The following MLLT1 variants were observed in gnomAD, a reference collection of about 807,000 sequenced individuals.
The protein encoded by MLLT1 is MLLT1 super elongation complex subunit.
Under a neutral mutation model 55.1 loss-of-function variants are expected in MLLT1, and 11 were observed. The observed-to-expected ratio is 0.20, with a 90% CI of 0.13 to 0.33. MLLT1 has a LOEUF of 0.33. Among genes scored for constraint, MLLT1 ranks in the 10% least tolerant of loss-of-function variants. MLLT1 has a pLI of 1.00. For synonymous variants in MLLT1, 323 were observed against 320.1 expected (o/e 1.01, Z -0.10); for missense variants, 536 against 760.6 (o/e 0.70, Z 3.47).
intron 3 of MLLT1, among the ~76,000 whole-genome samples, chr19:6,254,588 C>T (rs1164683351): frequency 6.6e-6 from 1 of 152,174 alleles, no homozygotes; most frequent in East Asian, 1.9e-4. Context: ...ACTGCAGGAC[C>T]CCCAAGTGGT....
rs2090989257 is a variant in MLLT1, at chr19:6,229,699, GAC to G, written c.420+869_420+870del. ...ACACACACACACGCCCCACACCCGT[GAC>G]ACCACACACCACACCCCTACATGCC... On this transcript the variant is annotated intron_variant, in intron 4 of 11. Transcript: ENST00000252674. The surrounding 1 kb of genome is among the most constrained non-coding windows in gnomAD (Gnocchi z 5.2). Among the ~76,000 whole-genome samples the G allele has an allele frequency of 6.7e-6, 1 of 150,274 alleles. No homozygotes were observed. Among genetic ancestry groups the G allele is most frequent in the Non-Finnish European group, 1.5e-5 (1 of 67,528 alleles).
rs1378288103 is a variant in MLLT1, at chr19:6,256,218, A to AAGAT, written c.276+6006_276+6009dup. On this transcript the variant is annotated intron_variant, in intron 3 of 11. Transcript: ENST00000252674. This position sits in a 1 kb window ranked among gnomAD's most constrained non-coding sequence, Gnocchi z 4.1. ...GACAAGAGCGAAACTCTGTCTCAAA[A>AAGAT]AGATAAATAAATAAATAAATAAATA... Among the ~76,000 whole-genome samples, 1 of 103,520 alleles carries AAGAT rather than the reference A, an allele frequency of 9.7e-6. No homozygotes were observed. The highest frequency in any genetic ancestry group is 1.9e-5 in the Non-Finnish European group (1 of 51,908). The allele number at this position is 103,520 out of a possible 152,430, so 67.9% of individuals were successfully genotyped here. A position where few individuals can be genotyped will look rare whatever the true frequency, so the allele number is the denominator to read the frequency against.
chr19:6,247,867 A>T (rs2091182157), intron 3 of MLLT1, among the ~76,000 whole-genome samples: 1 of 148,132 alleles, frequency 6.8e-6, no homozygotes, highest in Admixed American at 6.6e-5. Flanking sequence ...ATTTTGGAGC[A>T]TTTTGGTGTT....
chr19:6,234,117 G>C (rs1197941021), intron 3 of MLLT1, among the ~76,000 whole-genome samples: 1 of 152,240 alleles, frequency 6.6e-6, no homozygotes, highest in South Asian at 2.1e-4. Flanking sequence ...GAGCTGGTTG[G>C]CTCAAGAAGG....
chr19:6,245,173 A>C (rs2144907092), intron 3 of MLLT1, among the ~76,000 whole-genome samples: 1 of 152,110 alleles, frequency 6.6e-6, no homozygotes, highest in African/African-American at 2.4e-5. Flanking sequence ...AGACTCTCTA[A>C]CAAAAAAAAA....
rs913100248 is a variant in MLLT1 at position 6,222,987 on chromosome 19, A to G, written c.547-303T>C. 6.6e-6 allele frequency among the ~76,000 whole-genome samples: 1 copy of G among 152,176 alleles called. No individual in the cohort carries two copies. The highest frequency in any genetic ancestry group is 1.9e-4 in the East Asian group (1 of 5,186). Reference sequence around the variant, plus strand: ...GAGCACAGGGTGAGTCAGGCAGAGCATGGCCACTTCGCCCGCACCCGCCCG... The same window carrying G: ...GAGCACAGGGTGAGTCAGGCAGAGCGTGGCCACTTCGCCCGCACCCGCCCG... On this transcript the variant is annotated intron_variant, in intron 5 of 11. Transcript: ENST00000252674. The surrounding 1 kb of genome is among the most constrained non-coding windows in gnomAD (Gnocchi z 4.1).
At chr19:6,220,375 G>A (rs528996885) in intron 6 of MLLT1, among the ~76,000 whole-genome samples, 7 of 152,342 alleles carry the variant, frequency 4.6e-5, no homozygotes, top group African/African-American at 9.6e-5. Context: ...ACCTCGGGGC[G>A]CTAAGCCGCA....
intron 3 of MLLT1, among the ~76,000 whole-genome samples, chr19:6,255,637 T>C (rs185223147): frequency 4.9e-4 from 74 of 152,326 alleles, no homozygotes; most frequent in Non-Finnish European, 9.0e-4. Flanking sequence ...ACTGAAAACT[T>C]AATATTGTTA....
Position 6,212,833 on chromosome 19 carries a change from G to C in MLLT1, c.*209C>G, listed in dbSNP as rs980992583. 7.7e-6 allele frequency: 7 copies of C among 913,910 alleles called. No individual in the cohort carries two copies. Among genetic ancestry groups the C allele is most frequent in the Non-Finnish European group, 1.1e-5 (7 of 651,190 alleles). The allele number at this position is 913,910 out of a possible 1,614,324, so 56.6% of individuals were successfully genotyped here. On this transcript the variant is annotated 3_prime_UTR_variant, in exon 12 of 12. Coordinates refer to ENST00000252674, the MANE Select transcript of MLLT1 (RefSeq NM_005934.4). Reference sequence around the variant, plus strand: ...AGAGAGCCCGGGGGGCGGCTCCCGTGTGGCCCAGCCCGGCCCCAGGGCTCC... The same window carrying C: ...AGAGAGCCCGGGGGGCGGCTCCCGTCTGGCCCAGCCCGGCCCCAGGGCTCC...
chr19:6,220,240 G>C (rs2090884296), intron 6 of MLLT1, among the ~76,000 whole-genome samples: 1 of 152,262 alleles, frequency 6.6e-6, no homozygotes, highest in African/African-American at 2.4e-5. Flanking sequence ...GGGAAGCCAA[G>C]GGGCCAGTGG....
At chr19:6,269,991 G>A in intron 2 of MLLT1, among the ~76,000 whole-genome samples, 1 of 152,226 alleles carries the variant, frequency 6.6e-6, no homozygotes, top group East Asian at 1.9e-4. Flanking sequence ...CACTTCCCCA[G>A]GAGGGCATCC....
In MLLT1 at chr19:6,256,837, G is replaced by A. The variant is rs55965692; in HGVS notation, c.276+5391C>T. ...GTATGGCCAGCATAAGCACAGACAC[G>A]TAGACCAATGAAATAGAATTCAGAG... On this transcript the variant is annotated intron_variant, in intron 3 of 11. Coordinates refer to ENST00000252674, the MANE Select transcript of MLLT1 (RefSeq NM_005934.4). This position sits in a 1 kb window ranked among gnomAD's most constrained non-coding sequence, Gnocchi z 4.1. Among the ~76,000 whole-genome samples the A allele has an allele frequency of 0.014, 2,134 of 152,282 alleles. 60 individuals are homozygous for A. Among genetic ancestry groups the A allele is most frequent in the African/African-American group, 0.046 (1,907 of 41,538 alleles).
intron 2 of MLLT1, among the ~76,000 whole-genome samples, chr19:6,269,639 G>A (rs979360809): frequency 1.4e-4 from 22 of 152,084 alleles, no homozygotes; most frequent in African/African-American, 5.3e-4. Context: ...CTGGGTCCCG[G>A]GTCCCGGGAA....
intron 3 of MLLT1, among the ~76,000 whole-genome samples, chr19:6,254,807 G>A (rs1489207146): frequency 6.6e-6 from 1 of 152,154 alleles, no homozygotes. Context: ...CACGCGGGAT[G>A]CCCACCCTCT....
chr19:6,239,715 C>T (rs531694017), intron 3 of MLLT1, among the ~76,000 whole-genome samples: 7 of 151,954 alleles, frequency 4.6e-5, no homozygotes, highest in African/African-American at 1.7e-4. Context: ...TGTACACACA[C>T]ACCCCCACAC....
chr19:6,225,210 T>G (rs748331767), intron 5 of MLLT1, among the ~76,000 whole-genome samples: 1 of 152,214 alleles, frequency 6.6e-6, no homozygotes, highest in East Asian at 1.9e-4. Context: ...GGGTGGTGGC[T>G]GTGAAGTGGG....
rs2090956282 is a variant in MLLT1 at position 6,226,272 on chromosome 19, T to C, written c.546+705A>G. ...GTGCCGCTCAGCCTCCAGGAACGGC[T>C]GTGCTGAGTGGGCAGCTACAGAGGA... is the stretch of plus-strand genomic sequence containing the variant. On this transcript the variant is annotated intron_variant, in intron 5 of 11. Transcript: ENST00000252674. The surrounding 1 kb of genome is among the most constrained non-coding windows in gnomAD (Gnocchi z 6.3). Among the ~76,000 whole-genome samples, 1 of 152,208 alleles carries C rather than the reference T, an allele frequency of 6.6e-6. No homozygotes were observed. The highest frequency in any genetic ancestry group is 2.4e-5 in the African/African-American group (1 of 41,462).
At chr19:6,269,683 T>C (rs1047190315) in intron 2 of MLLT1, among the ~76,000 whole-genome samples, 1 of 152,182 alleles carries the variant, frequency 6.6e-6, no homozygotes, top group Admixed American at 6.5e-5. Flanking sequence ...CCCACGCTTG[T>C]GCACGGCTCA....
At chr19:6,269,463 G>A (rs977744476) in intron 2 of MLLT1, among the ~76,000 whole-genome samples, 7 of 152,258 alleles carry the variant, frequency 4.6e-5, no homozygotes, top group African/African-American at 1.7e-4. Flanking sequence ...AAGGAAAAGG[G>A]GAAAAGGTGA....
Sources: allele counts gnomAD v4.1 joint callset (sites outside exome capture counted in the v4.1 genomes callset), GRCh38; gene constraint gnomAD v4.1.1; non-coding constraint Gnocchi (gnomAD v3.1); transcripts MANE v1.5; gene names NCBI Gene and HGNC (gene_info 2026-07-23, HGNC 2026-07-21).